Variants in FBXL12 observed in about 807,000 individuals in gnomAD.
The protein encoded by FBXL12 is F-box and leucine rich repeat protein 12, also known as F-box/LRR-repeat protein 12.
In FBXL12, 22 loss-of-function variants were observed where a neutral mutation model predicts 24.9. That is an observed-to-expected ratio of 0.88 (90% confidence interval 0.63 to 1.26). FBXL12 has a LOEUF of 1.26. Ranked by LOEUF, FBXL12 falls within the 50% of genes most tolerant of loss-of-function variation. FBXL12 has a pLI of 0.00. For synonymous variants in FBXL12, 193 were observed against 193.8 expected, an observed-to-expected ratio of 1.00 and a Z score of 0.03; for missense variants, 384 against 434.1, an observed-to-expected ratio of 0.88 and a Z score of 1.03.
chr19:9,815,227 C>A (rs1419643163), intron 2 of FBXL12, among the ~76,000 whole-genome samples: 1 of 151,894 alleles, frequency 6.6e-6, no homozygotes, highest in Non-Finnish European at 1.5e-5. Flanking sequence ...GTGGGGCAGT[C>A]AAATTTTAAA....
In FBXL12 at chr19:9,818,737, C is replaced by A. The variant is rs376394175; in HGVS notation, c.77G>T (p.Arg26Leu). ...GGAGGCGGGGCCGCACCTGGAGATG[C>A]GGATCCGGTCCCGTACCGGGAGGTA... ...FSYLPVRDRI[R>L]ISRVCHRWKR... Residue 26 changes from arginine to leucine, a missense_variant, in exon 1 of 3, where the codon CGC (arginine) becomes CTC (leucine). Transcript: ENST00000247977. 1 of 1,546,940 alleles carries A rather than the reference C, an allele frequency of 6.5e-7. No individual in the cohort carries two copies. Among genetic ancestry groups the A allele is most frequent in the Non-Finnish European group, 8.8e-7 (1 of 1,142,674 alleles).
At position 9,811,457 on chromosome 19, in the gene FBXL12, C is replaced by G. The variant is rs1306144010; in HGVS notation, c.420G>C (p.Trp140Cys). 1.2e-6 allele frequency: 2 copies of G among 1,613,854 alleles called. No individual in the cohort carries two copies. The highest frequency in any genetic ancestry group is 1.1e-5 in the South Asian group (1 of 91,088). ...ELHSCEISMAWLHKQQDPTVL... is the reference protein window; with the variant it reads ...ELHSCEISMACLHKQQDPTVL... ...CGGTGGGGTCCTGCTGCTTGTGGAG[C>G]CAGGCCATGGAGATCTCGCAGCTGT... Residue 140 changes from tryptophan to cysteine, a missense_variant, in exon 3 of 3, where the codon TGG becomes TGC. Physicochemically the swap from Trp to Cys is radical, Grantham distance 215 (BLOSUM62 -2). Coordinates refer to ENST00000247977, the MANE Select transcript of FBXL12 (RefSeq NM_017703.3). This position sits in a 1 kb window ranked among gnomAD's most constrained non-coding sequence, Gnocchi z 6.0.
intron 2 of FBXL12, chr19:9,813,168 A>G: frequency 1.0e-6 from 1 of 956,704 alleles, no homozygotes; most frequent in Non-Finnish European, 1.4e-6. Flanking sequence ...TATATAATTG[A>G]TAGCACTGGG....
At chr19:9,812,530 CAAA>C (rs374538314) in intron 2 of FBXL12, among the ~76,000 whole-genome samples, 4 of 32,566 alleles carry the variant, frequency 1.2e-4, no homozygotes, top group African/African-American at 2.0e-4. Flanking sequence ...GACTCTGTCT[CAAA>C]AAAAAAAAAA....
At chr19:9,813,361 G>A (rs73509318) in intron 2 of FBXL12, 60,262 of 891,622 alleles carry the variant, frequency 0.068, 3,148 homozygotes, top group African/African-American at 0.21. Context: ...TTTTTGAGAC[G>A]GAGTTTTGCT....
At chr19:9,812,285 C>G (rs1599423520) in intron 2 of FBXL12, among the ~76,000 whole-genome samples, 1 of 152,060 alleles carries the variant, frequency 6.6e-6, no homozygotes, top group East Asian at 1.9e-4. Context: ...AATCCCAGCA[C>G]TTTGGGAGGC....
intron 2 of FBXL12, chr19:9,813,453 A>G: frequency 3.2e-6 from 1 of 316,888 alleles, no homozygotes; most frequent in Non-Finnish European, 5.7e-6. Flanking sequence ...CTCGTGCCTT[A>G]GCCTCCTGAG....
In FBXL12 at chr19:9,811,025, G is replaced by A; in HGVS notation, c.852C>T (p.Leu284=). ...CCAGCCCCTGCAGCTCAAGGACTCT[G>A]AGCTTGGGCATAGTGAGGCAGGAGG... ...ILSSCLTMPK[L]RVLELQGLGW... is the part of the protein sequence containing the mutation. The change falls in exon 3 of 3, where the codon CTC becomes CTT. Residue 284 remains leucine (L), a synonymous_variant. Transcript: ENST00000247977. The surrounding 1 kb of genome is among the most constrained non-coding windows in gnomAD (Gnocchi z 6.0). The A allele has an allele frequency of 6.2e-7, 1 of 1,613,578 alleles. No individual in the cohort carries two copies. Among genetic ancestry groups the A allele is most frequent in the Non-Finnish European group, 8.5e-7 (1 of 1,179,758 alleles).
Position 9,810,945 on chromosome 19 carries a change from A to G in FBXL12, c.932T>C (p.Met311Thr). 6.2e-7 allele frequency: 1 copy of G among 1,607,096 alleles called. No individual in the cohort carries two copies. Among genetic ancestry groups the G allele is most frequent in the Non-Finnish European group, 8.5e-7 (1 of 1,174,516 alleles). Reference protein sequence around the residue: ...KILCKGLPHCMVIVRACPKES... With the variant: ...KILCKGLPHCTVIVRACPKES... ...TTTGGGGCAAGCCCTGACGATGACC[A>G]TACAGTGGGGCAGCCCCTTACACAG... The change falls in exon 3 of 3, where the codon ATG (methionine) becomes ACG (threonine). Residue 311 changes from methionine to threonine, a missense_variant. Transcript: ENST00000247977.
chr19:9,813,279 T>C, intron 2 of FBXL12: 2 of 1,229,108 alleles, frequency 1.6e-6, no homozygotes, highest in Non-Finnish European at 2.0e-6. Flanking sequence ...TAGGGCCTAA[T>C]GGAAAAAGGA....
chr19:9,811,472 C>G lies in FBXL12; in HGVS notation c.405G>C (p.Glu135Asp). 1 of 1,613,980 alleles carries G rather than the reference C, an allele frequency of 6.2e-7. No homozygotes were observed. Among genetic ancestry groups the G allele is most frequent in the Non-Finnish European group, 8.5e-7 (1 of 1,179,992 alleles). Residue 135 changes from glutamate to aspartate, a missense_variant, in exon 3 of 3, where the codon GAG (glutamate) becomes GAC (aspartate). Coordinates refer to ENST00000247977, the MANE Select transcript of FBXL12 (RefSeq NM_017703.3). This position sits in a 1 kb window ranked among gnomAD's most constrained non-coding sequence, Gnocchi z 6.0. ...TLRTLELHSC[E>D]ISMAWLHKQQ... ...GCTTGTGGAGCCAGGCCATGGAGATCTCGCAGCTGTGCAGCTCCAGGGTCC... is the reference window on the plus strand; with the variant it reads ...GCTTGTGGAGCCAGGCCATGGAGATGTCGCAGCTGTGCAGCTCCAGGGTCC...
intron 2 of FBXL12, chr19:9,813,260 T>C: frequency 8.1e-7 from 1 of 1,231,422 alleles, no homozygotes; most frequent in East Asian, 3.2e-5. Context: ...ATTTCTCTAC[T>C]TGGCATCATA....
Position 9,818,793 on chromosome 19 carries a change from C to G in FBXL12, c.21G>C (p.Leu7=). The change falls in exon 1 of 3, where the codon CTG becomes CTC. Residue 7 remains leucine (L), a synonymous_variant. Coordinates refer to ENST00000247977, the MANE Select transcript of FBXL12 (RefSeq NM_017703.3). ...AGATCTCGAGCAGGACCGAGTCCGG[C>G]AGTTCGACCAAAGTCGCCATGATCC... MATLVE[L]PDSVLLEIFS... is the part of the protein sequence containing the mutation. The G allele has an allele frequency of 6.4e-7, 1 of 1,553,872 alleles. No individual in the cohort carries two copies. Among genetic ancestry groups the G allele is most frequent in the Middle Eastern group, 1.7e-4 (1 of 5,988 alleles).
intron 2 of FBXL12, chr19:9,813,361 G>C: frequency 1.1e-6 from 1 of 892,208 alleles, no homozygotes; most frequent in Non-Finnish European, 1.5e-6. Context: ...TTTTTGAGAC[G>C]GAGTTTTGCT....
intron 2 of FBXL12, among the ~76,000 whole-genome samples, chr19:9,817,777 C>T (rs1037694091): frequency 2.0e-5 from 3 of 152,180 alleles, no homozygotes; most frequent in African/African-American, 7.2e-5. Flanking sequence ...AACAGCATTA[C>T]CCGAAGTTCA....
In FBXL12 at chr19:9,818,851, G is replaced by C. The variant is rs1440614264; in HGVS notation, c.-38C>G. The C allele has an allele frequency of 2.0e-6, 3 of 1,526,604 alleles. No individual in the cohort carries two copies. In the African/African-American group the frequency reaches 4.1e-5, roughly 21 times the overall value. The allele number at this position is 1,526,604 out of a possible 1,614,324, so 94.6% of individuals were successfully genotyped here. On this transcript the variant is annotated 5_prime_UTR_variant, in exon 1 of 3. Coordinates refer to ENST00000247977, the MANE Select transcript of FBXL12 (RefSeq NM_017703.3). The stretch of plus-strand genomic sequence containing the variant: ...ACGCACTTCCGCTTCCGGTTAAAGA[G>C]ACCCGAGGGGTCCTGGGGGCGCCGA...
In FBXL12 at chr19:9,811,457, C is replaced by T. The variant is rs1306144010; in HGVS notation, c.420G>A (p.Trp140Ter). The change falls in exon 3 of 3, where the codon TGG becomes TGA. Residue 140 changes from tryptophan to a stop codon, truncating the protein, a stop_gained. Transcript: ENST00000247977. LOFTEE classifies it high-confidence loss of function. The surrounding 1 kb of genome is among the most constrained non-coding windows in gnomAD (Gnocchi z 6.0). Reference sequence around the variant, plus strand: ...CGGTGGGGTCCTGCTGCTTGTGGAGCCAGGCCATGGAGATCTCGCAGCTGT... The same window carrying T: ...CGGTGGGGTCCTGCTGCTTGTGGAGTCAGGCCATGGAGATCTCGCAGCTGT... The part of the protein sequence containing the change: ...ELHSCEISMA[W>*]LHKQQDPTVL... 1 of 1,613,854 alleles carries T rather than the reference C, an allele frequency of 6.2e-7. No homozygotes were observed. The highest frequency in any genetic ancestry group is 8.5e-7 in the Non-Finnish European group (1 of 1,179,982).
In FBXL12 at chr19:9,810,500, AG is replaced by A. The variant is rs569462242; in HGVS notation, c.*395del. The A allele has an allele frequency of 2.1e-3, 368 of 176,760 alleles. 1 individual carries two copies. Among genetic ancestry groups the A allele is most frequent in the African/African-American group, 8.3e-3 (351 of 42,304 alleles). 10.9% of individuals were successfully genotyped at this position (176,760 alleles called of 1,614,324 possible). A position where few individuals can be genotyped will look rare whatever the true frequency, so the allele number is the denominator to read the frequency against. On this transcript the variant is annotated 3_prime_UTR_variant, in exon 3 of 3. Transcript: ENST00000247977. ...AGACAGTCCTTCTTGGGTACTCATA[AG>A]GGGGCTCAGACCCTCAGGTGCCCCT...
intron 2 of FBXL12, among the ~76,000 whole-genome samples, chr19:9,817,991 A>C (rs1034258581): frequency 1.3e-5 from 2 of 152,176 alleles, no homozygotes; most frequent in South Asian, 4.1e-4. Context: ...AGTCGGGAGA[A>C]TCACTTGAGC....
Sources: allele counts gnomAD v4.1 joint callset (sites outside exome capture counted in the v4.1 genomes callset), GRCh38; gene constraint gnomAD v4.1.1; non-coding constraint Gnocchi (gnomAD v3.1); transcripts MANE v1.5; gene names NCBI Gene and HGNC (gene_info 2026-07-23, HGNC 2026-07-21).